SNED1: variants seen among roughly 807,000 people sequenced by gnomAD.
SNED1 encodes sushi, nidogen and EGF-like domain-containing protein 1.
SNED1 carries 81 observed loss-of-function variants against 166.7 expected under a neutral mutation model. The ratio of observed to expected loss-of-function variants is 0.49; its 90% CI spans 0.41 to 0.58. The LOEUF (loss-of-function observed/expected upper bound fraction) is 0.58. Among genes scored for constraint, SNED1 ranks in the 20% least tolerant of loss-of-function variants. The pLI is 0.00. For synonymous variants in SNED1, 762 were observed against 822.0 expected, an observed-to-expected ratio of 0.93 and a Z score of 1.25; for missense variants, 1,604 against 2,000.2, an observed-to-expected ratio of 0.80 and a Z score of 3.78.
chr2:241,028,186 C>G (rs1050276432), intron 1 of SNED1, among the ~76,000 whole-genome samples: 3 of 152,092 alleles, frequency 2.0e-5, no homozygotes, highest in Non-Finnish European at 4.4e-5. Context: ...GGATATTAAT[C>G]CTTTATCAGA....
chr2:241,006,916 G>GA (rs2060236155), intron 1 of SNED1, among the ~76,000 whole-genome samples: 1 of 152,234 alleles, frequency 6.6e-6, no homozygotes, highest in Non-Finnish European at 1.5e-5. Context: ...GAAGGATGGA[G>GA]ATGGATCAAA....
chr2:241,043,847 G>A (rs1373306688), intron 8 of SNED1, among the ~76,000 whole-genome samples: 1 of 152,186 alleles, frequency 6.6e-6, no homozygotes, highest in African/African-American at 2.4e-5. Context: ...GTATGGCTGT[G>A]TTCCAATAAA....
In SNED1 at chr2:241,070,284, G is replaced by T. The variant is rs1575051970; in HGVS notation, c.3589+83G>T. 7 of 1,404,602 alleles carry T rather than the reference G, an allele frequency of 5.0e-6. No individual in the cohort carries two copies. The East Asian group carries it at 1.2e-4, about 25-fold the overall frequency. The allele number at this position is 1,404,602 out of a possible 1,614,324, so 87.0% of individuals were successfully genotyped here. ...GTTCAGGACTGACCTGGCCCTGCAG[G>T]GGCCTGGGATGCCAGGCAGACAGCC... On this transcript the variant is annotated intron_variant, in intron 24 of 31. Coordinates refer to ENST00000310397, the MANE Select transcript of SNED1 (RefSeq NM_001080437.3).
At chr2:241,029,948 C>T (rs1370848769) in intron 1 of SNED1, among the ~76,000 whole-genome samples, 1 of 152,260 alleles carries the variant, frequency 6.6e-6, no homozygotes, top group Non-Finnish European at 1.5e-5. Flanking sequence ...AGCTGCTGGG[C>T]AGGCCCAAGT....
At position 241,069,590 on chromosome 2, in the gene SNED1, G is replaced by A. The variant is rs1235787060; in HGVS notation, c.3308-330G>A. Among the ~76,000 whole-genome samples the A allele has an allele frequency of 6.6e-6, 1 of 152,182 alleles. No individual in the cohort carries two copies. The highest frequency in any genetic ancestry group is 1.5e-5 in the Non-Finnish European group (1 of 68,018). On this transcript the variant is annotated intron_variant, in intron 23 of 31. Coordinates refer to ENST00000310397, the MANE Select transcript of SNED1 (RefSeq NM_001080437.3). This position sits in a 1 kb window ranked among gnomAD's most constrained non-coding sequence, Gnocchi z 4.9. ...GCATGGGAAAGGCTGGTGGGGCAGG[G>A]GAGTCTGCACAGGGCTCCACGCAGC... is the stretch of plus-strand genomic sequence containing the variant.
At chr2:241,019,055 A>G (rs2060688083) in intron 1 of SNED1, among the ~76,000 whole-genome samples, 1 of 149,336 alleles carries the variant, frequency 6.7e-6, no homozygotes, top group African/African-American at 2.5e-5. Context: ...GACCATGTTC[A>G]GGACCAGGAG....
Position 241,030,319 on chromosome 2 carries a change from G to C in SNED1, c.249G>C (p.Glu83Asp). 6.2e-7 allele frequency: 1 copy of C among 1,601,936 alleles called. No individual in the cohort carries two copies. ...NNNGIISFLK[E>D]VSQFTPVAFP... ...ACGGGATCATCTCCTTCCTGAAGGAGGTTTCTCAGTTCACCCCAGTGGCCT... is the reference window on the plus strand; with the variant it reads ...ACGGGATCATCTCCTTCCTGAAGGACGTTTCTCAGTTCACCCCAGTGGCCT... Residue 83 changes from glutamate (E) to aspartate (D), a missense_variant, in exon 2 of 32, where the codon GAG becomes GAC. Coordinates refer to ENST00000310397, the MANE Select transcript of SNED1 (RefSeq NM_001080437.3).
intron 6 of SNED1, among the ~76,000 whole-genome samples, chr2:241,038,038 T>C (rs2061425857): frequency 6.6e-6 from 1 of 150,936 alleles, no homozygotes; most frequent in Non-Finnish European, 1.5e-5. Flanking sequence ...CCCTCACCCA[T>C]GCCCTTCACC....
intron 1 of SNED1, among the ~76,000 whole-genome samples, chr2:241,006,747 C>G (rs1238500746): frequency 1.1e-4 from 17 of 152,162 alleles, no homozygotes; most frequent in Non-Finnish European, 2.5e-4. Context: ...AATAATACCT[C>G]AATAGCAGAG....
intron 1 of SNED1, among the ~76,000 whole-genome samples, chr2:241,014,502 T>C (rs1378414876): frequency 6.6e-6 from 1 of 152,216 alleles, no homozygotes; most frequent in Admixed American, 6.5e-5. Flanking sequence ...TGGTCTCCTT[T>C]TCTTTTCTAT....
At chr2:241,066,806 T>C (rs568879880) in intron 21 of SNED1, among the ~76,000 whole-genome samples, 1 of 152,172 alleles carries the variant, frequency 6.6e-6, no homozygotes, top group Non-Finnish European at 1.5e-5. Flanking sequence ...CCTAGCTTGA[T>C]GCCAATGCCA....
At chr2:241,007,537 G>T (rs1441438998) in intron 1 of SNED1, among the ~76,000 whole-genome samples, 1 of 152,168 alleles carries the variant, frequency 6.6e-6, no homozygotes, top group African/African-American at 2.4e-5. Flanking sequence ...CCTAGAAGCC[G>T]CTCAGTAAAT....
chr2:241,025,500 T>C (rs4380227), intron 1 of SNED1, among the ~76,000 whole-genome samples: 7,335 of 152,298 alleles, frequency 0.048, 951 homozygotes, highest in East Asian at 0.36. Flanking sequence ...TCTTTCAATG[T>C]ATATTATTGT....
In SNED1 at chr2:241,069,006, C is replaced by T. The variant is rs906032814; in HGVS notation, c.3290C>T (p.Pro1097Leu). 5.2e-6 allele frequency: 8 copies of T among 1,552,062 alleles called. No homozygotes were observed. Among genetic ancestry groups the T allele is most frequent in the South Asian group, 1.2e-5 (1 of 84,112 alleles). ...EHPTESLATA[P>L]THVWTRPLPP... is the part of the protein sequence containing the mutation. ...CCCACAGAGAGCCTGGCCACCGCGC[C>T]GACGCACGTGTGGACCCGTGAGTAG... The change falls in exon 23 of 32, where the codon CCG becomes CTG. Residue 1097 changes from proline (P) to leucine (L), a missense_variant. Transcript: ENST00000310397. This position sits in a 1 kb window ranked among gnomAD's most constrained non-coding sequence, Gnocchi z 4.9.
In SNED1 at chr2:241,078,345, T is replaced by C. The variant is rs138633993; in HGVS notation, c.3917-3332T>C. ...TTGCAGTGAGGTGAGATCGCGCCAC[T>C]GCACTGCAGCCTGGGAGACAGAACT... is the stretch of plus-strand genomic sequence containing the variant. On this transcript the variant is annotated intron_variant, in intron 27 of 31. Transcript: ENST00000310397. 2.4e-4 allele frequency among the ~76,000 whole-genome samples: 34 copies of C among 143,538 alleles called. 1 individual carries two copies. The highest frequency in any genetic ancestry group is 6.1e-4 in the East Asian group (3 of 4,920). The allele number at this position is 143,538 out of a possible 152,430, so 94.2% of individuals were successfully genotyped here. A position where few individuals can be genotyped will look rare whatever the true frequency, so the allele number is the denominator to read the frequency against.
At chr2:241,079,273 G>C (rs1409457871) in intron 27 of SNED1, among the ~76,000 whole-genome samples, 2 of 149,334 alleles carry the variant, frequency 1.3e-5, no homozygotes, top group South Asian at 4.3e-4. Flanking sequence ...TTAGCCGGGC[G>C]CAGTGGCAGG....
chr2:241,052,975 G>A (rs114292261), intron 15 of SNED1, among the ~76,000 whole-genome samples, 178 bp from the exon 16 acceptor site: 2,737 of 152,272 alleles, frequency 0.018, 45 homozygotes, highest in Middle Eastern at 0.031. Context: ...GCAGGAATGG[G>A]AAGAAGGAAA....
intron 16 of SNED1, among the ~76,000 whole-genome samples, chr2:241,060,237 C>T (rs1205864683): frequency 6.6e-6 from 1 of 150,706 alleles, no homozygotes; most frequent in South Asian, 2.1e-4. Flanking sequence ...GGCTGGAGTG[C>T]AGTGGCACAA....
intron 1 of SNED1, among the ~76,000 whole-genome samples, chr2:241,007,494 G>A (rs929116422): frequency 3.3e-5 from 5 of 152,100 alleles, no homozygotes; most frequent in Admixed American, 6.6e-5. Flanking sequence ...TGTTTTGTTC[G>A]CTGTGCTGTC....
Sources: allele counts gnomAD v4.1 joint callset (sites outside exome capture counted in the v4.1 genomes callset), GRCh38; gene constraint gnomAD v4.1.1; non-coding constraint Gnocchi (gnomAD v3.1); transcripts MANE v1.5; gene names NCBI Gene and HGNC (gene_info 2026-07-23, HGNC 2026-07-21).